The following SGCD variants were observed in gnomAD, a reference collection of about 807,000 sequenced individuals.
SGCD encodes sarcoglycan delta, also known as delta-sarcoglycan.
A neutral mutation model predicts 36.6 loss-of-function variants in SGCD; 18 were observed. The observed-to-expected ratio is 0.49, with a 90% confidence interval of 0.34 to 0.73. SGCD has a LOEUF of 0.73. Ranked by LOEUF, SGCD falls within the 30% of genes least tolerant of loss-of-function variation. SGCD has a pLI of 0.01. For missense variants in SGCD, 387 were observed against 346.7 expected, an observed-to-expected ratio of 1.12 and a Z score of -0.92; for synonymous variants, 133 against 130.6, an observed-to-expected ratio of 1.02 and a Z score of -0.12.
At chr5:156,530,318 A>G (rs1378326295) in intron 4 of SGCD, among the ~76,000 whole-genome samples, 1 of 152,250 alleles carries the variant, frequency 6.6e-6, no homozygotes, top group East Asian at 1.9e-4. Context: ...AAGATTAATT[A>G]TCCTTAGGTG....
At chr5:155,943,248 T>C (rs183991801) in intron 1 of SGCD, among the ~76,000 whole-genome samples, 44 of 152,330 alleles carry the variant, frequency 2.9e-4, no homozygotes, top group Non-Finnish European at 5.7e-4. Flanking sequence ...TATAAAATGC[T>C]TGACAAAAGT....
the SGCD span, among the ~76,000 whole-genome samples, chr5:155,807,351 A>G: frequency 6.6e-6 from 1 of 152,228 alleles, no homozygotes; most frequent in African/African-American, 2.4e-5. Context: ...ATAAGTGAGG[A>G]AGCTCCTTGA....
intron 5 of SGCD, among the ~76,000 whole-genome samples, chr5:156,591,277 T>C (rs984239495): frequency 6.6e-6 from 1 of 152,214 alleles, no homozygotes; most frequent in Non-Finnish European, 1.5e-5. Context: ...AGAATTCTGT[T>C]TACCTAAAGA....
rs186078301 is a variant in SGCD, at chr5:156,413,966, G to T, written c.192+69289G>T. 6.0e-4 allele frequency among the ~76,000 whole-genome samples: 92 copies of T among 152,216 alleles called. 1 individual carries two copies. The Middle Eastern group carries it at 0.01, about 17-fold the overall frequency. On this transcript the variant is annotated intron_variant, in intron 3 of 8. Transcript: ENST00000337851. ...ACGAGTTGCTTTCCTTGAAATGGTG[G>T]TACAGAAGAGATAAAACTAACTCAT...
intron 1 of SGCD, among the ~76,000 whole-genome samples, chr5:156,063,244 A>G (rs1760276668): frequency 1.4e-4 from 2 of 14,678 alleles, no homozygotes; most frequent in Admixed American, 6.6e-4. Context: ...AGATAGTTGT[A>G]GATATGTGGC....
chr5:156,124,970 G>A (rs1255191592), intron 3 of SGCD, among the ~76,000 whole-genome samples: 1 of 152,120 alleles, frequency 6.6e-6, no homozygotes, highest in African/African-American at 2.4e-5. Flanking sequence ...AAAGGGTCAG[G>A]GGCCAGGCTC....
intron 3 of SGCD, among the ~76,000 whole-genome samples, chr5:156,140,958 G>A (rs554013623): frequency 2.3e-4 from 35 of 152,134 alleles, no homozygotes; most frequent in African/African-American, 8.4e-4. Context: ...AGTTTTAAGA[G>A]GGGGGGCCCA....
upstream of SGCD, among the ~76,000 whole-genome samples, chr5:156,325,026 C>G (rs1350383971): frequency 6.6e-6 from 1 of 152,078 alleles, no homozygotes; most frequent in African/African-American, 2.4e-5. Flanking sequence ...ATTTTGAGCT[C>G]TTAAGGTATA....
chr5:156,189,365 A>C (rs1433998073), intron 3 of SGCD, among the ~76,000 whole-genome samples: 17 of 152,234 alleles, frequency 1.1e-4, no homozygotes, highest in Admixed American at 1.1e-3. Context: ...AAAAAAAATT[A>C]GTGAAAACAG....
intron 1 of SGCD, among the ~76,000 whole-genome samples, chr5:156,094,310 G>T (rs1199215206): frequency 6.6e-6 from 1 of 152,104 alleles, no homozygotes; most frequent in East Asian, 1.9e-4. Context: ...CCAGATTCAG[G>T]GCATTTTAAA....
intron 1 of SGCD, among the ~76,000 whole-genome samples, chr5:155,919,761 G>T (rs943910737): frequency 2.0e-5 from 3 of 151,914 alleles, no homozygotes; most frequent in Admixed American, 6.6e-5. Flanking sequence ...TTCACCCTTT[G>T]ATTCATTTCT....
chr5:155,836,708 TA>T, the SGCD span, among the ~76,000 whole-genome samples: 12 of 152,354 alleles, frequency 7.9e-5, no homozygotes, highest in South Asian at 2.3e-3. Flanking sequence ...TAGTTTATAC[TA>T]CTTGTTTTAT....
intron 3 of SGCD, among the ~76,000 whole-genome samples, chr5:156,458,923 T>G (rs1754367959): frequency 1.3e-5 from 2 of 149,326 alleles, no homozygotes. Flanking sequence ...TAACAGGGAT[T>G]TTTTTAGAGG....
intron 1 of SGCD, among the ~76,000 whole-genome samples, chr5:155,992,547 C>T (rs1049639700): frequency 7.9e-5 from 12 of 152,228 alleles, no homozygotes; most frequent in Admixed American, 7.8e-4. Flanking sequence ...CCAAGAGAAA[C>T]AGCATAATCA....
At position 156,332,435 on chromosome 5, in the gene SGCD, A is replaced by G. The variant is rs529475721; in HGVS notation, c.3+2856A>G. Among the ~76,000 whole-genome samples, 12 of 152,288 alleles carry G rather than the reference A, an allele frequency of 7.9e-5. No individual in the cohort carries two copies. The East Asian group carries it at 1.9e-3, about 24-fold the overall frequency. On this transcript the variant is annotated intron_variant, in intron 2 of 8. Transcript: ENST00000337851. ...TGTCCTTTTGAGAGGGCATATGCCT[A>G]CCTCATTCATTGACCCCGCTATCTG...
intron 6 of SGCD, among the ~76,000 whole-genome samples, chr5:156,611,218 C>A (rs1761787509): frequency 6.6e-6 from 1 of 152,228 alleles, no homozygotes; most frequent in South Asian, 2.1e-4. Context: ...CTACAGTGAG[C>A]TTTATACATT....
intron 3 of SGCD, among the ~76,000 whole-genome samples, chr5:156,257,443 C>A (rs1765743280): frequency 6.6e-6 from 1 of 152,084 alleles, no homozygotes. Flanking sequence ...CAATGCACTC[C>A]AGCCTGGGCG....
chr5:156,509,870 G>A (rs1254245249), intron 4 of SGCD, among the ~76,000 whole-genome samples: 2 of 152,134 alleles, frequency 1.3e-5, no homozygotes, highest in African/African-American at 4.8e-5. Flanking sequence ...TAGTGGAGTG[G>A]TAGAATTTGC....
At chr5:156,451,241 T>C (rs1454358660) in intron 3 of SGCD, among the ~76,000 whole-genome samples, 1 of 152,174 alleles carries the variant, frequency 6.6e-6, no homozygotes, top group Non-Finnish European at 1.5e-5. Flanking sequence ...TACATACTTG[T>C]GGACAAGATG....
Sources: gnomAD v4.1 joint callset for allele counts (sites outside exome capture counted in the v4.1 genomes callset) on GRCh38, gnomAD v4.1.1 for gene constraint, MANE v1.5 for transcripts, NCBI Gene and HGNC (gene_info 2026-07-23, HGNC 2026-07-21) for gene names.